Variants in TC2N observed in about 807,000 individuals in gnomAD.
TC2N encodes the protein tandem C2 domains, nuclear.
In TC2N, 51 loss-of-function variants were observed where a neutral mutation model predicts 61.9. The observed-to-expected ratio is 0.82, with a 90% CI of 0.66 to 1.04. TC2N has a LOEUF of 1.04. Ranked by LOEUF, TC2N falls within the 50% of genes least tolerant of loss-of-function variation. TC2N has a pLI of 0.00. For missense variants in TC2N, 556 were observed against 566.7 expected, an observed-to-expected ratio of 0.98 and a Z score of 0.19; for synonymous variants, 204 against 192.6, an observed-to-expected ratio of 1.06 and a Z score of -0.49.
chr14:91,798,040 A>G (rs1885998710), intron 7 of TC2N, 139 bp from the exon 8 acceptor site: 2 of 594,230 alleles, frequency 3.4e-6, no homozygotes, highest in Non-Finnish European at 5.8e-6. Flanking sequence ...TTGCATCCAC[A>G]TTAAGCAAAT....
chr14:91,818,383 C>T (rs1887099293), intron 1 of TC2N, among the ~76,000 whole-genome samples: 1 of 152,042 alleles, frequency 6.6e-6, no homozygotes, highest in Non-Finnish European at 1.5e-5. Flanking sequence ...ATGCTTGTCC[C>T]CACAAATCAG....
At chr14:91,791,945 T>C (rs2139830086) in intron 9 of TC2N, among the ~76,000 whole-genome samples, 1 of 151,656 alleles carries the variant, frequency 6.6e-6, no homozygotes, top group African/African-American at 2.4e-5. Context: ...TGAAACCCCG[T>C]CTCTACTAAA....
intron 1 of TC2N, among the ~76,000 whole-genome samples, chr14:91,836,688 C>T (rs532007409): frequency 2.1e-5 from 2 of 93,744 alleles, no homozygotes; most frequent in East Asian, 3.8e-4. Flanking sequence ...GGCGGGGCCT[C>T]CCGCGTACCT....
chr14:91,801,831 T>G (rs942101882), intron 4 of TC2N, among the ~76,000 whole-genome samples: 11 of 152,248 alleles, frequency 7.2e-5, no homozygotes, highest in African/African-American at 2.7e-4. Context: ...ATATATACAT[T>G]GCAGAATGAT....
At chr14:91,812,917 G>A (rs1363726247) in intron 2 of TC2N, among the ~76,000 whole-genome samples, 1 of 151,796 alleles carries the variant, frequency 6.6e-6, no homozygotes, top group African/African-American at 2.4e-5. Context: ...GTTGCTGGCA[G>A]CTACCCCAGT....
At position 91,787,698 on chromosome 14, in the gene TC2N, A is replaced by T. The variant is rs1166285891; in HGVS notation, c.1048-71T>A. 3.3e-6 allele frequency: 3 copies of T among 897,434 alleles called. No homozygotes were observed. The African/African-American group carries it at 5.1e-5, about 15-fold the overall frequency. The allele number at this position is 897,434 out of a possible 1,614,324, so 55.6% of individuals were successfully genotyped here. On this transcript the variant is annotated intron_variant, in intron 9 of 11. Coordinates refer to ENST00000435962, the MANE Select transcript of TC2N (RefSeq NM_001128596.3). ...TGAAACAATTCAAAAATTAAAAGAT[A>T]AAAAGCTAAGGTTAGAAATTTTGAA...
chr14:91,797,310 A>T (rs1885947966), intron 8 of TC2N, among the ~76,000 whole-genome samples: 1 of 152,058 alleles, frequency 6.6e-6, no homozygotes, highest in Admixed American at 6.6e-5. Flanking sequence ...GAAAAACAAT[A>T]ATCTTTTAAC....
At chr14:91,813,000 G>A (rs1886849757) in intron 2 of TC2N, among the ~76,000 whole-genome samples, 1 of 151,688 alleles carries the variant, frequency 6.6e-6, no homozygotes, top group African/African-American at 2.4e-5. Context: ...ATTTAAGATG[G>A]GAGGTAAGTT....
At chr14:91,844,495 G>A (rs920548141) in intron 1 of TC2N, among the ~76,000 whole-genome samples, 92 of 152,142 alleles carry the variant, frequency 6.0e-4, no homozygotes, top group South Asian at 4.1e-4. Context: ...CCAACGTGGT[G>A]GCTCACGCCT....
intron 3 of TC2N, among the ~76,000 whole-genome samples, chr14:91,802,965 C>A (rs1400622697): frequency 6.6e-6 from 1 of 151,978 alleles, no homozygotes; most frequent in Non-Finnish European, 1.5e-5. Flanking sequence ...AAAACTTAAT[C>A]TTTAAGAAGA....
chr14:91,802,683 G>T (rs527338685), intron 3 of TC2N, among the ~76,000 whole-genome samples: 4 of 151,866 alleles, frequency 2.6e-5, no homozygotes, highest in Admixed American at 2.0e-4. Flanking sequence ...TCTGTATTGT[G>T]TGATCTGAGT....
chr14:91,783,122 C>T lies in TC2N; in HGVS notation c.1451G>A (p.Trp484Ter). Residue 484 changes from tryptophan (W) to a stop codon, truncating the protein, a stop_gained, in exon 12 of 12, where the codon TGG becomes TAG. Coordinates refer to ENST00000435962, the MANE Select transcript of TC2N (RefSeq NM_001128596.3). LOFTEE classifies it high-confidence loss of function. ...TCTTCAAGATGGATTTAATTTGTGC[C>T]ACCTGATAACAACCTTTTCTGGATT... Reference protein sequence around the residue: ...VINPEKVVIRWHKLNPS With the variant: ...VINPEKVVIR The T allele has an allele frequency of 2.5e-6, 4 of 1,608,670 alleles. No homozygotes were observed. Among genetic ancestry groups the T allele is most frequent in the Non-Finnish European group, 3.4e-6 (4 of 1,175,830 alleles).
chr14:91,789,488 G>A (rs367802461), intron 9 of TC2N, among the ~76,000 whole-genome samples: 10 of 151,798 alleles, frequency 6.6e-5, no homozygotes, highest in African/African-American at 2.4e-4. Context: ...GCTGATACCT[G>A]TAGTCCCAGC....
chr14:91,826,513 T>G (rs1887508990), intron 1 of TC2N, among the ~76,000 whole-genome samples: 1 of 152,114 alleles, frequency 6.6e-6, no homozygotes, highest in Admixed American at 6.5e-5. Context: ...ACATATAAAT[T>G]TATTAATCTC....
rs3030738 is a variant in TC2N at position 91,856,486 on chromosome 14, C to CA, written c.-57+10775dup. Among the ~76,000 whole-genome samples the CA allele has an allele frequency of 9.9e-3, 1,155 of 116,944 alleles. 7 individuals carry two copies. Among genetic ancestry groups the CA allele is most frequent in the Non-Finnish European group, 0.012 (666 of 53,916 alleles). The allele number at this position is 116,944 out of a possible 152,430, so 76.7% of individuals were successfully genotyped here. A position where few individuals can be genotyped will look rare whatever the true frequency, so the allele number is the denominator to read the frequency against. On this transcript the variant is annotated intron_variant, in intron 1 of 11. Transcript: ENST00000435962. ...TGGGTGACAAAGTGAGACCTTGTCTCAAAAAAAAAAAAAAAAAGACAAGTT... is the reference window on the plus strand; with the variant it reads ...TGGGTGACAAAGTGAGACCTTGTCTCAAAAAAAAAAAAAAAAAAGACAAGTT...
chr14:91,806,118 A>G (rs957592303), intron 3 of TC2N, among the ~76,000 whole-genome samples: 6 of 152,072 alleles, frequency 3.9e-5, no homozygotes, highest in Non-Finnish European at 7.4e-5. Flanking sequence ...CTTGCCTGCT[A>G]CCATGTAAGA....
At chr14:91,857,498 T>C (rs1177092858) in intron 1 of TC2N, among the ~76,000 whole-genome samples, 1 of 152,198 alleles carries the variant, frequency 6.6e-6, no homozygotes, top group African/African-American at 2.4e-5. Flanking sequence ...CCTGCTGCTT[T>C]CTCAGACAAT....
At chr14:91,860,296 T>C (rs1463813078) in intron 1 of TC2N, among the ~76,000 whole-genome samples, 2 of 140,552 alleles carry the variant, frequency 1.4e-5, no homozygotes, top group Non-Finnish European at 3.1e-5. Context: ...AGTTTTGTTA[T>C]GGGGGGCTGG....
At chr14:91,851,728 C>T (rs1446397569) in intron 1 of TC2N, among the ~76,000 whole-genome samples, 2 of 152,186 alleles carry the variant, frequency 1.3e-5, no homozygotes, top group African/African-American at 4.8e-5. Context: ...ATCCAAGAAG[C>T]ACACTAGCCT....
Sources: gnomAD v4.1 joint callset for allele counts (sites outside exome capture counted in the v4.1 genomes callset) on GRCh38, gnomAD v4.1.1 for gene constraint, MANE v1.5 for transcripts, NCBI Gene and HGNC (gene_info 2026-07-23, HGNC 2026-07-21) for gene names.